The following CNTN6 variants were observed in gnomAD, a reference collection of about 807,000 sequenced individuals.
The protein encoded by CNTN6 is contactin 6.
In CNTN6, 137 loss-of-function variants were observed where a neutral mutation model predicts 122.8. The ratio of observed to expected loss-of-function variants is 1.12; its 90% confidence interval spans 0.97 to 1.29. CNTN6 has a LOEUF of 1.29. CNTN6 is among the 50% of genes most tolerant of loss of function. CNTN6 has a pLI of 0.00. For missense variants in CNTN6, 1,634 were observed against 1,223.4 expected, an observed-to-expected ratio of 1.34 and a Z score of -5.01; for synonymous variants, 570 against 426.0, an observed-to-expected ratio of 1.34 and a Z score of -4.16.
chr3:1,396,418 T>G (rs943131456), intron 20 of CNTN6, among the ~76,000 whole-genome samples: 1 of 152,214 alleles, frequency 6.6e-6, no homozygotes, highest in African/African-American at 2.4e-5. Flanking sequence ...AAAGTTGGAA[T>G]GGGACTTCAG....
Position 1,282,302 on chromosome 3 carries a change from C to G in CNTN6, c.454+3794C>G, listed in dbSNP as rs1195265904. Among the ~76,000 whole-genome samples the G allele has an allele frequency of 2.0e-5, 3 of 152,212 alleles. No homozygotes were observed. In the East Asian group the frequency reaches 5.8e-4, roughly 29 times the overall value. ...TTGAAGCACAGATGCAAATGTCCTGCTCCTCTAGAAAGGAAGGGTTTTACA... is the reference window on the plus strand; with the variant it reads ...TTGAAGCACAGATGCAAATGTCCTGGTCCTCTAGAAAGGAAGGGTTTTACA... On this transcript the variant is annotated intron_variant, in intron 5 of 22. Transcript: ENST00000446702.
chr3:1,382,980 A>G lies in CNTN6; in HGVS notation c.2205A>G (p.Gly735=), dbSNP rs147708438. The G allele has an allele frequency of 6.2e-7, 1 of 1,614,074 alleles. No homozygotes were observed. Among genetic ancestry groups the G allele is most frequent in the Non-Finnish European group, 8.5e-7 (1 of 1,179,948 alleles). ...AACTGCAGAATGGGGAGGGATTTGG[A>G]TATATCATCATGTTCCGGCCAGTGG... The part of the protein sequence containing the change: ...PEELQNGEGF[G]YIIMFRPVGS... Residue 735 remains glycine (G), a synonymous_variant, in exon 18 of 23, where the codon GGA becomes GGG. Coordinates refer to ENST00000446702, the MANE Select transcript of CNTN6 (RefSeq NM_001289080.2).
intron 16 of CNTN6, among the ~76,000 whole-genome samples, chr3:1,375,395 GTC>G (rs766119647): frequency 2.0e-5 from 3 of 151,970 alleles, no homozygotes; most frequent in East Asian, 3.9e-4. Flanking sequence ...AACCTACTGA[GTC>G]TCTCGTCTCT....
chr3:1,313,152 G>A (rs185912137), intron 7 of CNTN6, among the ~76,000 whole-genome samples: 2 of 152,062 alleles, frequency 1.3e-5, no homozygotes, highest in African/African-American at 4.8e-5. Context: ...TCTCTCCTAA[G>A]AGCAGCAGAG....
intron 4 of CNTN6, among the ~76,000 whole-genome samples, chr3:1,235,402 A>AT (rs2094408501): frequency 6.6e-6 from 1 of 151,694 alleles, no homozygotes; most frequent in Non-Finnish European, 1.5e-5. Flanking sequence ...TTACAGTGAC[A>AT]TTTTTTGCAT....
chr3:1,192,220 A>G lies in CNTN6; in HGVS notation c.56-28467A>G, dbSNP rs1464706889. ...AAAGCCTTCATTGATTCTTTTCTGTAGGGTACCACCAATTCTCACTTTTCT... is the reference window on the plus strand; with the variant it reads ...AAAGCCTTCATTGATTCTTTTCTGTGGGGTACCACCAATTCTCACTTTTCT... On this transcript the variant is annotated intron_variant, in intron 2 of 22. Coordinates refer to ENST00000446702, the MANE Select transcript of CNTN6 (RefSeq NM_001289080.2). Among the ~76,000 whole-genome samples the G allele has an allele frequency of 2.0e-5, 3 of 152,280 alleles. No homozygotes were observed. The East Asian group carries it at 5.8e-4, about 29-fold the overall frequency.
chr3:1,222,347 A>C (rs2094218341), intron 3 of CNTN6, among the ~76,000 whole-genome samples: 1 of 152,160 alleles, frequency 6.6e-6, no homozygotes, highest in South Asian at 2.1e-4. Flanking sequence ...CCTAATACTT[A>C]AAGTAGTAAT....
chr3:1,283,848 A>C (rs1261950364), intron 5 of CNTN6, among the ~76,000 whole-genome samples: 1 of 152,022 alleles, frequency 6.6e-6, no homozygotes, highest in Non-Finnish European at 1.5e-5. Flanking sequence ...AAAAATACAA[A>C]AATTAGCCGG....
Position 1,388,365 on chromosome 3 carries a change from G to A in CNTN6, c.2704+2568G>A, listed in dbSNP as rs576096103. 7.5e-3 allele frequency among the ~76,000 whole-genome samples: 1,115 copies of A among 148,462 alleles called. 23 individuals are homozygous for A. Among genetic ancestry groups the A allele is most frequent in the Non-Finnish European group, 0.012 (830 of 66,440 alleles). ...AAGCTGAGGGTCCTGTCTGTTAGAAGGAAAACTAACAAACAGAAAGGACAT... is the reference window on the plus strand; with the variant it reads ...AAGCTGAGGGTCCTGTCTGTTAGAAAGAAAACTAACAAACAGAAAGGACAT... On this transcript the variant is annotated intron_variant, in intron 20 of 22. Coordinates refer to ENST00000446702, the MANE Select transcript of CNTN6 (RefSeq NM_001289080.2).
intron 8 of CNTN6, 88 bp from the exon 9 acceptor site, chr3:1,325,727 C>T (rs1010133500): frequency 6.0e-5 from 84 of 1,410,134 alleles, no homozygotes; most frequent in Non-Finnish European, 7.9e-5. Context: ...TAGCCTTGTC[C>T]TTCTGATCTC....
intron 4 of CNTN6, among the ~76,000 whole-genome samples, chr3:1,233,254 G>A (rs2094375538): frequency 6.6e-6 from 1 of 152,060 alleles, no homozygotes; most frequent in Non-Finnish European, 1.5e-5. Context: ...GTTACTATGA[G>A]GACCAAATAT....
At chr3:1,094,262 CT>C (rs565150348) in intron 1 of CNTN6, among the ~76,000 whole-genome samples, 2 of 152,108 alleles carry the variant, frequency 1.3e-5, no homozygotes, top group Admixed American at 6.6e-5. Context: ...TAAGCAGACT[CT>C]TTTTCCCTCC....
chr3:1,308,307 G>GTGTC (rs1698688286), intron 7 of CNTN6, among the ~76,000 whole-genome samples: 2 of 151,738 alleles, frequency 1.3e-5, no homozygotes, highest in South Asian at 4.2e-4. Flanking sequence ...GTGTGTGTGT[G>GTGTC]TGTGTGTGTG....
intron 7 of CNTN6, among the ~76,000 whole-genome samples, chr3:1,313,919 C>A (rs1031171103): frequency 6.6e-6 from 1 of 151,952 alleles, no homozygotes; most frequent in African/African-American, 2.4e-5. Flanking sequence ...AAGCTCCCTC[C>A]GATCTATTTT....
At chr3:1,266,815 C>T (rs2094933027) in intron 4 of CNTN6, among the ~76,000 whole-genome samples, 1 of 152,134 alleles carries the variant, frequency 6.6e-6, no homozygotes, top group Middle Eastern at 3.2e-3. Flanking sequence ...TGGAAGGGCA[C>T]AGGTGCACCT....
chr3:1,329,827 C>G lies in CNTN6; in HGVS notation c.1256C>G (p.Ser419Cys), dbSNP rs575054347. 1 of 1,608,748 alleles carries G rather than the reference C, an allele frequency of 6.2e-7. No homozygotes were observed. The highest frequency in any genetic ancestry group is 8.5e-7 in the Non-Finnish European group (1 of 1,177,636). ...DFSKSPVKKKSFVQVGGDIVI... is the reference protein window; with the variant it reads ...DFSKSPVKKKCFVQVGGDIVI... ...TCCAAAAGTCCAGTTAAAAAAAAGT[C>G]TTTTGTTCAAGTTGGTGGGGATATT... The change falls in exon 11 of 23, where the codon TCT becomes TGT. Residue 419 changes from serine to cysteine, a missense_variant. Physicochemically the swap from Ser to Cys is moderately radical, Grantham distance 112. Transcript: ENST00000446702.
At chr3:1,400,179 T>C (rs566650142) in intron 20 of CNTN6, among the ~76,000 whole-genome samples, 1 of 152,088 alleles carries the variant, frequency 6.6e-6, no homozygotes, top group African/African-American at 2.4e-5. Context: ...TCAAAAGAGA[T>C]GCCAAAAACA....
At chr3:1,394,865 T>G (rs539244509) in intron 20 of CNTN6, among the ~76,000 whole-genome samples, 16 of 152,250 alleles carry the variant, frequency 1.1e-4, no homozygotes, top group South Asian at 8.3e-4. Flanking sequence ...GATAAAAATT[T>G]TCGAAAACAG....
Position 1,374,125 on chromosome 3 carries a change from C to A in CNTN6, c.2095+52C>A, listed in dbSNP as rs1036407159. ...GTGGAAGATTTCGTATGATACAGTT[C>A]TTAAAACAAAACAAGTATTTTTATG... On this transcript the variant is annotated intron_variant, in intron 16 of 22. Coordinates refer to ENST00000446702, the MANE Select transcript of CNTN6 (RefSeq NM_001289080.2). 3.3e-6 allele frequency: 5 copies of A among 1,517,224 alleles called. No homozygotes were observed. The East Asian group carries it at 1.2e-4, about 36-fold the overall frequency. The allele number at this position is 1,517,224 out of a possible 1,614,324, so 94.0% of individuals were successfully genotyped here. A position where few individuals can be genotyped will look rare whatever the true frequency, so the allele number is the denominator to read the frequency against.
Sources: gnomAD v4.1 joint callset for allele counts (sites outside exome capture counted in the v4.1 genomes callset) on GRCh38, gnomAD v4.1.1 for gene constraint, MANE v1.5 for transcripts, NCBI Gene and HGNC (gene_info 2026-07-23, HGNC 2026-07-21) for gene names.